Variants in PPFIA2 observed in about 807,000 individuals in gnomAD.
PPFIA2 encodes PPFI scaffold protein A2.
Under a neutral mutation model 175.5 loss-of-function variants are expected in PPFIA2, and 46 were observed. That is an observed-to-expected ratio of 0.26 (90% confidence interval 0.21 to 0.34). The LOEUF (loss-of-function observed/expected upper bound fraction) is 0.34, where lower values mean the gene tolerates loss of function less well. PPFIA2 is among the 10% of genes least tolerant of loss of function. The pLI, the probability that PPFIA2 is intolerant of heterozygous loss-of-function variation, is 1.00. For synonymous variants in PPFIA2, 568 were observed against 511.4 expected (o/e 1.11, Z -1.49); for missense variants, 1,179 against 1,506.1 (o/e 0.78, Z 3.60).
At chr12:81,322,156 G>A (rs965925809) in intron 22 of PPFIA2, among the ~76,000 whole-genome samples, 5 of 152,044 alleles carry the variant, frequency 3.3e-5, no homozygotes, top group African/African-American at 7.2e-5. Flanking sequence ...GGCTTTAATC[G>A]GCTATCCTGA....
At chr12:81,626,309 A>T (rs2062698970) in intron 4 of PPFIA2, among the ~76,000 whole-genome samples, 1 of 151,962 alleles carries the variant, frequency 6.6e-6, no homozygotes. Context: ...TATGTTGTTC[A>T]TCAAAGGAAT....
chr12:81,498,056 G>T (rs1017255928), intron 4 of PPFIA2, among the ~76,000 whole-genome samples: 1 of 152,140 alleles, frequency 6.6e-6, no homozygotes, highest in Admixed American at 6.6e-5. Flanking sequence ...CTGCTGTTCT[G>T]CAAATTTACA....
chr12:81,551,396 TC>T (rs1428241122), intron 4 of PPFIA2, among the ~76,000 whole-genome samples: 8 of 151,896 alleles, frequency 5.3e-5, no homozygotes, highest in Admixed American at 2.6e-4. Flanking sequence ...CAGTCCACCT[TC>T]CATGTCCAAA....
chr12:81,404,915 C>T (rs1380053974), intron 8 of PPFIA2, among the ~76,000 whole-genome samples: 1 of 152,110 alleles, frequency 6.6e-6, no homozygotes, highest in Non-Finnish European at 1.5e-5. Flanking sequence ...TCAATTACAG[C>T]AATTTAGCTA....
chr12:81,380,847 A>G (rs1402156195), intron 9 of PPFIA2, among the ~76,000 whole-genome samples: 9 of 152,052 alleles, frequency 5.9e-5, no homozygotes, highest in Non-Finnish European at 1.2e-4. Context: ...TTTCCATGTA[A>G]TACACCCGTA....
chr12:81,567,689 G>A (rs2071619197), intron 4 of PPFIA2, among the ~76,000 whole-genome samples: 1 of 152,192 alleles, frequency 6.6e-6, no homozygotes, highest in Non-Finnish European at 1.5e-5. Flanking sequence ...TGCTGGGAGT[G>A]TGATACATCC....
rs189923193 is a variant in PPFIA2 at position 81,406,078 on chromosome 12, T to C, written c.646-175A>G. On this transcript the variant is annotated intron_variant, in intron 7 of 32. Transcript: ENST00000549396. ...ATATGTGTTTCAATGTAGGTCACCA[T>C]TTTGAACAATATTTACAAAAATTCA... Among the ~76,000 whole-genome samples the C allele has an allele frequency of 8.5e-5, 13 of 152,320 alleles. No homozygotes were observed. The East Asian group carries it at 2.3e-3, about 27-fold the overall frequency.
chr12:81,516,251 T>G (rs560641488), intron 4 of PPFIA2, among the ~76,000 whole-genome samples: 4 of 152,146 alleles, frequency 2.6e-5, no homozygotes, highest in African/African-American at 9.7e-5. Context: ...AAGAGGAGGA[T>G]AATTCTTCCT....
chr12:81,492,802 C>A (rs1304436186), intron 4 of PPFIA2, among the ~76,000 whole-genome samples: 3 of 151,976 alleles, frequency 2.0e-5, no homozygotes, highest in Non-Finnish European at 2.9e-5. Context: ...AAATGTAATC[C>A]TTTCAGCTGC....
intron 7 of PPFIA2, among the ~76,000 whole-genome samples, chr12:81,415,236 T>A (rs1427207063): frequency 3.5e-4 from 31 of 87,380 alleles, no homozygotes; most frequent in African/African-American, 1.0e-3. Context: ...TATATATATA[T>A]ATATATATAT....
chr12:81,345,336 A>G (rs531067355), intron 18 of PPFIA2, among the ~76,000 whole-genome samples: 2 of 152,246 alleles, frequency 1.3e-5, no homozygotes, highest in Admixed American at 1.3e-4. Flanking sequence ...TCTGACTTAG[A>G]TATTAAACAC....
chr12:81,477,862 T>A (rs911563221), intron 4 of PPFIA2, among the ~76,000 whole-genome samples: 2 of 151,548 alleles, frequency 1.3e-5, no homozygotes, highest in African/African-American at 2.4e-5. Flanking sequence ...GCCTGAAATT[T>A]TTTTTTTTTT....
At chr12:81,371,433 G>T (rs1398878304) in intron 11 of PPFIA2, among the ~76,000 whole-genome samples, 1 of 151,536 alleles carries the variant, frequency 6.6e-6, no homozygotes, top group Non-Finnish European at 1.5e-5. Flanking sequence ...AATTAATTAG[G>T]TGACTGACTC....
Position 81,384,101 on chromosome 12 carries a change from T to C in PPFIA2, c.906A>G (p.Glu302=). ...CCTTTCTTGCTGTCTCTGCTTCCTG[T>C]TCCACCTCTCCCACTCGGGAAGAAA... is the stretch of plus-strand genomic sequence containing the variant. ...AALSSRVGEV[E]QEAETARKDL... is the part of the protein sequence containing the mutation. Residue 302 remains glutamate (E), a synonymous_variant, in exon 9 of 33, where the codon GAA becomes GAG. Coordinates refer to ENST00000549396, the MANE Select transcript of PPFIA2 (RefSeq NM_003625.5). 6.2e-7 allele frequency: 1 copy of C among 1,613,366 alleles called. No homozygotes were observed. Among genetic ancestry groups the C allele is most frequent in the South Asian group, 1.1e-5 (1 of 91,076 alleles).
chr12:81,359,808 T>A (rs1035502727), intron 15 of PPFIA2, among the ~76,000 whole-genome samples: 6 of 151,586 alleles, frequency 4.0e-5, no homozygotes, highest in African/African-American at 1.2e-4. Flanking sequence ...TAATTTATTT[T>A]AAAAAAAAGC....
At chr12:81,315,579 T>A (rs2052139060) in intron 22 of PPFIA2, among the ~76,000 whole-genome samples, 2 of 151,694 alleles carry the variant, frequency 1.3e-5, no homozygotes, top group Non-Finnish European at 1.5e-5. Flanking sequence ...GATGCTTGAA[T>A]TGGTAAGTTT....
At chr12:81,261,703 T>C (rs2035610008) in intron 32 of PPFIA2, among the ~76,000 whole-genome samples, 1 of 152,304 alleles carries the variant, frequency 6.6e-6, no homozygotes, top group South Asian at 2.1e-4. Context: ...AACCCATTGA[T>C]GTGTAATAAT....
At chr12:81,315,003 A>T (rs974466354) in intron 22 of PPFIA2, among the ~76,000 whole-genome samples, 6 of 151,926 alleles carry the variant, frequency 3.9e-5, no homozygotes, top group Admixed American at 6.6e-5. Flanking sequence ...TGATCTGAGT[A>T]AAAGAATAGC....
intron 4 of PPFIA2, among the ~76,000 whole-genome samples, chr12:81,497,555 T>G (rs896543060): frequency 5.4e-5 from 8 of 148,046 alleles, no homozygotes; most frequent in South Asian, 2.1e-4. Context: ...TTTTTTTTTT[T>G]TGGGGCAGAG....
Sources: allele counts gnomAD v4.1 joint callset (sites outside exome capture counted in the v4.1 genomes callset), GRCh38; gene constraint gnomAD v4.1.1; transcripts MANE v1.5; gene names NCBI Gene and HGNC (gene_info 2026-07-23, HGNC 2026-07-21).